The following TOX2 variants were observed in gnomAD, a reference collection of about 807,000 sequenced individuals.
TOX2 encodes granulosa cell HMG box 1.
TOX2 carries 15 observed loss-of-function variants against 47.4 expected under a neutral mutation model. The ratio of observed to expected loss-of-function variants is 0.32; its 90% CI spans 0.21 to 0.49. The LOEUF (loss-of-function observed/expected upper bound fraction) is 0.49, where lower values mean the gene tolerates loss of function less well. TOX2 is among the 20% of genes least tolerant of loss of function. TOX2 has a pLI of 0.99. For synonymous variants in TOX2, 290 were observed against 296.6 expected (o/e 0.98, Z 0.23); for missense variants, 622 against 673.1 (o/e 0.92, Z 0.84).
intron 2 of TOX2, among the ~76,000 whole-genome samples, chr20:43,973,735 G>A (rs1292400405): frequency 6.6e-6 from 1 of 152,176 alleles, no homozygotes; most frequent in Non-Finnish European, 1.5e-5. Flanking sequence ...GTGAGTTGAG[G>A]TGCCTGCTGC....
chr20:43,965,242 A>C (rs1238318303), intron 1 of TOX2, among the ~76,000 whole-genome samples: 1 of 152,122 alleles, frequency 6.6e-6, no homozygotes, highest in Non-Finnish European at 1.5e-5. Flanking sequence ...ACTGACTTTC[A>C]GAGGTGGGGC....
At chr20:43,971,223 G>A (rs937515416) in intron 1 of TOX2, among the ~76,000 whole-genome samples, 4 of 152,212 alleles carry the variant, frequency 2.6e-5, no homozygotes, top group Non-Finnish European at 5.9e-5. Context: ...AGACATCAAG[G>A]TACAGATAGA....
At chr20:43,964,025 ATATT>A (rs986421295) in intron 1 of TOX2, among the ~76,000 whole-genome samples, 3 of 152,088 alleles carry the variant, frequency 2.0e-5, no homozygotes, top group Non-Finnish European at 4.4e-5. Context: ...CACTTTCCGT[ATATT>A]TATTTAATCC....
intron 3 of TOX2, among the ~76,000 whole-genome samples, chr20:44,024,861 A>G (rs1030201439): frequency 1.3e-5 from 2 of 152,198 alleles, no homozygotes; most frequent in African/African-American, 2.4e-5. Context: ...AATATGTACA[A>G]AATTTACATA....
intron 8 of TOX2, 96 bp from the exon 9 acceptor site, chr20:44,068,554 A>AG: frequency 8.6e-7 from 1 of 1,156,608 alleles, no homozygotes; most frequent in Non-Finnish European, 1.1e-6. Flanking sequence ...AGCTGAATCC[A>AG]GGGGTGGGGG....
chr20:44,026,385 A>T (rs199769210), intron 3 of TOX2, among the ~76,000 whole-genome samples: 1 of 151,330 alleles, frequency 6.6e-6, no homozygotes, highest in Non-Finnish European at 1.5e-5. Flanking sequence ...AACATCGTAT[A>T]TTCTCACTCA....
At chr20:43,975,477 A>T (rs1569052969) in intron 2 of TOX2, among the ~76,000 whole-genome samples, 1 of 152,176 alleles carries the variant, frequency 6.6e-6, no homozygotes, top group Admixed American at 6.5e-5. Flanking sequence ...AAGATCAAGG[A>T]TGTTGGCTGA....
intron 1 of TOX2, among the ~76,000 whole-genome samples, chr20:43,920,944 G>A (rs1243883234): frequency 6.6e-6 from 1 of 152,190 alleles, no homozygotes; most frequent in Non-Finnish European, 1.5e-5. Context: ...TATTCCCAGC[G>A]CTAGCCTGAC....
intron 6 of TOX2, among the ~76,000 whole-genome samples, 179 bp downstream of exon 6, chr20:44,065,036 C>T (rs975219692): frequency 4.6e-5 from 7 of 152,248 alleles, no homozygotes; most frequent in Non-Finnish European, 7.3e-5. Flanking sequence ...GGGCACTTTA[C>T]ATGCATTTCA....
chr20:43,934,317 A>G lies in TOX2; in HGVS notation c.99+19327A>G, dbSNP rs186188246. 1.8e-3 allele frequency among the ~76,000 whole-genome samples: 273 copies of G among 152,208 alleles called. 1 individual carries two copies. Among genetic ancestry groups the G allele is most frequent in the African/African-American group, 6.3e-3 (260 of 41,542 alleles). The stretch of plus-strand genomic sequence containing the variant: ...TGGGGAAAGGCAGAGGCATTTATTT[A>G]GCATCCATCACAGGATGGGTATTTC... On this transcript the variant is annotated intron_variant, in intron 1 of 8. Transcript: ENST00000341197.
chr20:43,928,712 C>T (rs150144649), intron 1 of TOX2, among the ~76,000 whole-genome samples: 11 of 152,278 alleles, frequency 7.2e-5, no homozygotes, highest in African/African-American at 2.6e-4. Flanking sequence ...GGGGAAACTT[C>T]GCTTTCCATG....
At chr20:44,020,892 C>G (rs1337781526) in intron 3 of TOX2, among the ~76,000 whole-genome samples, 1 of 152,142 alleles carries the variant, frequency 6.6e-6, no homozygotes, top group Admixed American at 6.5e-5. Context: ...CTTTTTCCCC[C>G]CAGAGGAACT....
chr20:43,981,951 T>A (rs970647012), intron 2 of TOX2, among the ~76,000 whole-genome samples: 2 of 148,106 alleles, frequency 1.4e-5, no homozygotes, highest in African/African-American at 5.1e-5. Context: ...TTTTTTTTTT[T>A]AAAGAAAAGT....
chr20:43,942,448 C>T (rs990600801), intron 1 of TOX2, among the ~76,000 whole-genome samples: 3 of 152,126 alleles, frequency 2.0e-5, no homozygotes, highest in Non-Finnish European at 2.9e-5. Context: ...GAGGCCAAGA[C>T]GGGAGGATTG....
chr20:44,045,434 T>C (rs1352847061), intron 3 of TOX2, among the ~76,000 whole-genome samples: 3 of 152,208 alleles, frequency 2.0e-5, no homozygotes, highest in African/African-American at 4.8e-5. Context: ...CCGCAGTTCA[T>C]TGAATGACAC....
chr20:44,003,450 A>G (rs1200502764), intron 2 of TOX2, among the ~76,000 whole-genome samples: 1 of 152,032 alleles, frequency 6.6e-6, no homozygotes, highest in East Asian at 1.9e-4. Context: ...TGGCCTCCCA[A>G]AGTGCTGGGA....
Position 44,006,559 on chromosome 20 carries a change from C to G in TOX2, c.178C>G (p.Gln60Glu). The change falls in exon 3 of 9, where the codon CAG becomes GAG. Residue 60 changes from glutamine to glutamate, a missense_variant. Transcript: ENST00000341197. ...LLSTSQTYNG[Q>E]SENNEDYEIP... ...TTTGATGTTTTAGACCTACAACGGC[C>G]AGAGCGAGAACAACGAAGACTATGA... The G allele has an allele frequency of 6.2e-7, 1 of 1,613,156 alleles. No homozygotes were observed. Among genetic ancestry groups the G allele is most frequent in the Non-Finnish European group, 8.5e-7 (1 of 1,179,848 alleles).
At chr20:44,035,529 C>T (rs1161893763) in intron 3 of TOX2, among the ~76,000 whole-genome samples, 1 of 152,192 alleles carries the variant, frequency 6.6e-6, no homozygotes, top group Non-Finnish European at 1.5e-5. Flanking sequence ...CCCACGACCA[C>T]CACACAAGGC....
chr20:44,026,915 T>C (rs533433303), intron 3 of TOX2, among the ~76,000 whole-genome samples: 1 of 151,934 alleles, frequency 6.6e-6, no homozygotes, highest in Non-Finnish European at 1.5e-5. Context: ...TCCTGCCGCC[T>C]CCTCCCCACC....
Sources: allele counts gnomAD v4.1 joint callset (sites outside exome capture counted in the v4.1 genomes callset), GRCh38; gene constraint gnomAD v4.1.1; transcripts MANE v1.5; gene names NCBI Gene and HGNC (gene_info 2026-07-23, HGNC 2026-07-21).